The following PHEX variants were observed in gnomAD, a reference collection of about 807,000 sequenced individuals.
The protein encoded by PHEX is phosphate-regulating neutral endopeptidase PHEX.
In PHEX, 16 loss-of-function variants were observed where a neutral mutation model predicts 68.0. The ratio of observed to expected loss-of-function variants is 0.24; its 90% CI spans 0.16 to 0.36. The LOEUF is 0.36. Ranked by LOEUF, PHEX falls within the 10% of genes least tolerant of loss-of-function variation. The probability of loss-of-function intolerance (pLI) is 1.00; values close to 1 mark genes in which losing one functional copy is unlikely to be tolerated. For missense variants in PHEX, 480 were observed against 575.5 expected (o/e 0.83, Z 1.70); for synonymous variants, 208 against 205.1 (o/e 1.01, Z -0.12).
At chrX:22,155,486 C>T (rs1169078662) in intron 12 of PHEX, among the ~76,000 whole-genome samples, 3 of 112,045 alleles carry the variant, frequency 2.7e-5, no homozygotes, top group African/African-American at 9.7e-5. Flanking sequence ...CTCTGAGAAA[C>T]GTTAGGTGTT....
intron 5 of PHEX, among the ~76,000 whole-genome samples, chrX:22,079,349 T>A (rs1477993630): frequency 2.7e-5 from 3 of 112,195 alleles, no homozygotes; most frequent in African/African-American, 9.7e-5. Flanking sequence ...TCAACCCAGC[T>A]TCAACAACTC....
At chrX:22,213,205 C>T (rs1235655338) in intron 16 of PHEX, among the ~76,000 whole-genome samples, 1 of 111,967 alleles carries the variant, frequency 8.9e-6, no homozygotes, top group Non-Finnish European at 1.9e-5. Context: ...ATTCTCTTAC[C>T]CATTAACTCA....
intron 13 of PHEX, among the ~76,000 whole-genome samples, chrX:22,173,693 C>T (rs980504985): frequency 1.8e-5 from 2 of 110,852 alleles, no homozygotes; most frequent in African/African-American, 6.6e-5. Context: ...ATATAAAATA[C>T]GGATTCCATT....
At chrX:22,046,399 G>C (rs974985582) in intron 2 of PHEX, among the ~76,000 whole-genome samples, 10 of 111,380 alleles carry the variant, frequency 9.0e-5, no homozygotes, top group Admixed American at 8.7e-4. Context: ...GAGCAGCAAG[G>C]TCACTTTGCA....
intron 12 of PHEX, among the ~76,000 whole-genome samples, chrX:22,148,301 A>G (rs1429866913): frequency 9.0e-6 from 1 of 111,248 alleles, no homozygotes; most frequent in Non-Finnish European, 1.9e-5. Context: ...CCAAGAAGAG[A>G]AAGCAGAAGC....
intron 18 of PHEX, 29 bp from the exon 19 acceptor site, chrX:22,226,411 ATTT>A (rs68100043): frequency 8.5e-5 from 79 of 928,240 alleles, no homozygotes; most frequent in Non-Finnish European, 1.1e-4. Context: ...ACACGCATTC[ATTT>A]TTTTTTTTTC....
At chrX:22,206,717 G>A (rs1405391096) in intron 15 of PHEX, among the ~76,000 whole-genome samples, 1 of 111,284 alleles carries the variant, frequency 9.0e-6, no homozygotes, top group Non-Finnish European at 1.9e-5. Flanking sequence ...AGGGCAAAAG[G>A]AAAATTATTC....
chrX:22,094,476 T>C (rs1930047208), intron 7 of PHEX, among the ~76,000 whole-genome samples: 1 of 112,298 alleles, frequency 8.9e-6, no homozygotes, highest in Non-Finnish European at 1.9e-5. Flanking sequence ...TAATCTGGCT[T>C]GAATGGAAGG....
At chrX:22,045,246 C>T (rs1026126771) in intron 2 of PHEX, among the ~76,000 whole-genome samples, 12 of 111,805 alleles carry the variant, frequency 1.1e-4, no homozygotes, top group African/African-American at 3.6e-4. Context: ...TCTAAATTGA[C>T]ACAGATTGTA....
At chrX:22,144,012 G>T (rs1051481995) in intron 12 of PHEX, among the ~76,000 whole-genome samples, 1 of 111,684 alleles carries the variant, frequency 9.0e-6, no homozygotes, top group African/African-American at 3.2e-5. Context: ...TGACCACTGG[G>T]CAGAACTTAG....
chrX:22,209,501 G>A (rs1424182940), intron 15 of PHEX, among the ~76,000 whole-genome samples: 1 of 100,783 alleles, frequency 9.9e-6, no homozygotes, highest in Non-Finnish European at 2.0e-5. Context: ...ATAGTTACTC[G>A]TTTTTTTTTT....
chrX:22,199,098 T>C (rs1194032361), intron 15 of PHEX, among the ~76,000 whole-genome samples: 1 of 111,214 alleles, frequency 9.0e-6, no homozygotes, highest in East Asian at 2.8e-4. Context: ...CTACAACATG[T>C]GGGAATTATG....
chrX:22,066,164 T>G (rs1292622762), intron 3 of PHEX, among the ~76,000 whole-genome samples: 1 of 111,806 alleles, frequency 8.9e-6, no homozygotes, highest in African/African-American at 3.3e-5. Context: ...GGAAGGCGTT[T>G]GTAAATGTCA....
intron 20 of PHEX, among the ~76,000 whole-genome samples, chrX:22,239,206 T>A (rs745955248): frequency 2.7e-5 from 3 of 110,788 alleles, no homozygotes; most frequent in Non-Finnish European, 5.7e-5. Flanking sequence ...AAAAAGGATG[T>A]CCGATCAGAG....
intron 3 of PHEX, among the ~76,000 whole-genome samples, chrX:22,054,007 T>C (rs887812269): frequency 1.8e-5 from 2 of 112,111 alleles, no homozygotes; most frequent in African/African-American, 6.5e-5. Context: ...ATCTGAAAAC[T>C]TCAGTTCCTA....
intron 3 of PHEX, among the ~76,000 whole-genome samples, chrX:22,063,080 G>C (rs940152230): frequency 9.0e-6 from 1 of 110,902 alleles, no homozygotes; most frequent in Non-Finnish European, 1.9e-5. Flanking sequence ...GATTTTTAAC[G>C]ACCTCCCTCC....
chrX:22,078,980 G>T (rs908219384), intron 5 of PHEX, among the ~76,000 whole-genome samples: 2 of 112,078 alleles, frequency 1.8e-5, no homozygotes, highest in Non-Finnish European at 3.8e-5. Context: ...AAGACACAAT[G>T]ATGATGACGA....
chrX:22,075,915 T>C (rs1354972317), intron 3 of PHEX, among the ~76,000 whole-genome samples: 1 of 112,125 alleles, frequency 8.9e-6, no homozygotes, highest in East Asian at 2.8e-4. Context: ...TGGATAAAAC[T>C]TCTAATGGGA....
rs1164800764 is a variant in PHEX, at chrX:22,033,064, G to A, written c.59G>A (p.Arg20Gln). The change falls in exon 1 of 22, where the codon CGA becomes CAA. Residue 20 changes from arginine to glutamine, a missense_variant. Transcript: ENST00000379374. ...GGAAAGAAGGCCAACAGAGGCACTC[G>A]AATTGCCCTGGTCGTGTTTGTCGGT... The part of the protein sequence containing the change: ...ETGKKANRGT[R>Q]IALVVFVGGT... The A allele has an allele frequency of 4.1e-6, 5 of 1,208,262 alleles. No individual in the cohort carries two copies. Among genetic ancestry groups the A allele is most frequent in the Admixed American group, 2.2e-5 (1 of 45,528 alleles).
Sources: gnomAD v4.1 joint callset for allele counts (sites outside exome capture counted in the v4.1 genomes callset) on GRCh38, gnomAD v4.1.1 for gene constraint, MANE v1.5 for transcripts, NCBI Gene and HGNC (gene_info 2026-07-23, HGNC 2026-07-21) for gene names.